PPP2R3C: variants seen among roughly 807,000 people sequenced by gnomAD.
PPP2R3C encodes the protein serine/threonine-protein phosphatase 2A regulatory subunit B'' subunit gamma.
PPP2R3C carries 47 observed loss-of-function variants against 63.7 expected under a neutral mutation model. The ratio of observed to expected loss-of-function variants is 0.74; its 90% CI spans 0.58 to 0.94. The LOEUF is 0.94. PPP2R3C is among the 40% of genes least tolerant of loss of function. The pLI, the probability that PPP2R3C is intolerant of heterozygous loss-of-function variation, is 0.00. For missense variants in PPP2R3C, 421 were observed against 518.4 expected (o/e 0.81, Z 1.82); for synonymous variants, 180 against 177.4 (o/e 1.01, Z -0.12).
intron 10 of PPP2R3C, among the ~76,000 whole-genome samples, chr14:35,092,295 C>A (rs1036067017): frequency 4.6e-5 from 7 of 152,086 alleles, no homozygotes; most frequent in Non-Finnish European, 1.0e-4. Flanking sequence ...GTCTCAAACT[C>A]CTGGGCTCAA....
chr14:35,089,820 C>G (rs1275408772), intron 11 of PPP2R3C, among the ~76,000 whole-genome samples: 1 of 147,658 alleles, frequency 6.8e-6, no homozygotes, highest in African/African-American at 2.5e-5. Flanking sequence ...CGCCCGCCAC[C>G]ACGCCCGGCT....
intron 10 of PPP2R3C, among the ~76,000 whole-genome samples, chr14:35,093,620 T>A (rs897666252): frequency 2.6e-5 from 4 of 152,176 alleles, no homozygotes; most frequent in African/African-American, 9.7e-5. Flanking sequence ...GACTATTTTT[T>A]AAGCATAACT....
At chr14:35,103,341 C>T (rs7144423) in intron 6 of PPP2R3C, among the ~76,000 whole-genome samples, 23,392 of 152,072 alleles carry the variant, frequency 0.15, 2,195 homozygotes, top group East Asian at 0.37. Context: ...CTGTATTTGC[C>T]GTTTCCTCTA....
At chr14:35,098,764 T>C (rs905538968) in intron 7 of PPP2R3C, 2 of 153,420 alleles carry the variant, frequency 1.3e-5, no homozygotes, top group Non-Finnish European at 2.9e-5. Context: ...GAACAGTTAA[T>C]AAAACAAACT....
At chr14:35,104,415 C>A (rs371669728) in intron 6 of PPP2R3C, among the ~76,000 whole-genome samples, 2 of 152,178 alleles carry the variant, frequency 1.3e-5, no homozygotes, top group African/African-American at 2.4e-5. Context: ...ATTTACATTT[C>A]TTTAACCCTT....
chr14:35,110,066 T>G (rs2046499729), intron 3 of PPP2R3C, 135 bp from the exon 4 acceptor site: 1 of 625,404 alleles, frequency 1.6e-6, no homozygotes, highest in Non-Finnish European at 2.7e-6. Flanking sequence ...CATGCCCTAT[T>G]ATCCTTTTGA....
chr14:35,118,653 C>CA (rs370403554), intron 1 of PPP2R3C, among the ~76,000 whole-genome samples: 1 of 125,840 alleles, frequency 7.9e-6, no homozygotes, highest in East Asian at 2.3e-4. Context: ...AGGTACCTTC[C>CA]TTTTTTTTTT....
At chr14:35,103,351 A>G (rs1234512220) in intron 6 of PPP2R3C, among the ~76,000 whole-genome samples, 1 of 152,164 alleles carries the variant, frequency 6.6e-6, no homozygotes, top group East Asian at 1.9e-4. Flanking sequence ...CGTTTCCTCT[A>G]TACTACATCT....
chr14:35,086,461 A>C (rs1188239255), intron 12 of PPP2R3C: 1 of 147,772 alleles, frequency 6.8e-6, no homozygotes, highest in East Asian at 2.0e-4. Flanking sequence ...GGCCTCCCAA[A>C]TTGCTGGAAT....
intron 1 of PPP2R3C, among the ~76,000 whole-genome samples, chr14:35,118,802 T>C (rs2046778514): frequency 6.6e-6 from 1 of 151,590 alleles, no homozygotes; most frequent in Non-Finnish European, 1.5e-5. Context: ...TACAGACACT[T>C]GCCACAATGC....
At chr14:35,103,199 C>G (rs968988092) in intron 6 of PPP2R3C, among the ~76,000 whole-genome samples, 1 of 152,190 alleles carries the variant, frequency 6.6e-6, no homozygotes, top group African/African-American at 2.4e-5. Context: ...CTTACTGTGG[C>G]CCAAAAGGCC....
intron 10 of PPP2R3C, among the ~76,000 whole-genome samples, chr14:35,094,703 C>T (rs963483021): frequency 5.3e-5 from 8 of 152,020 alleles, no homozygotes; most frequent in Non-Finnish European, 1.2e-4. Context: ...TGGCTCACGC[C>T]TCGTAATCCC....
intron 10 of PPP2R3C, among the ~76,000 whole-genome samples, chr14:35,094,473 CT>C (rs34162171): frequency 2.1e-4 from 30 of 145,798 alleles, no homozygotes; most frequent in Non-Finnish European, 2.4e-4. Context: ...CTGGCCTCAG[CT>C]TTTTTTTAAA....
intron 10 of PPP2R3C, among the ~76,000 whole-genome samples, chr14:35,091,932 C>A (rs543569134): frequency 6.6e-6 from 1 of 152,062 alleles, no homozygotes; most frequent in Admixed American, 6.6e-5. Flanking sequence ...GTTACCCAAG[C>A]TGGTCTCAAA....
At chr14:35,093,977 A>T (rs1295582779) in intron 10 of PPP2R3C, among the ~76,000 whole-genome samples, 2 of 152,122 alleles carry the variant, frequency 1.3e-5, no homozygotes, top group Non-Finnish European at 2.9e-5. Flanking sequence ...GCTGTTTAGA[A>T]TTTTCCTTCT....
chr14:35,089,734 C>T (rs930115023), intron 11 of PPP2R3C, among the ~76,000 whole-genome samples: 9 of 152,080 alleles, frequency 5.9e-5, no homozygotes, highest in East Asian at 1.9e-4. Flanking sequence ...GGCGCAATCT[C>T]GGCTCACTGC....
At chr14:35,117,143 T>C in intron 1 of PPP2R3C, 2 of 455,926 alleles carry the variant, frequency 4.4e-6, no homozygotes, top group South Asian at 3.1e-5. Flanking sequence ...CCTGACCTCA[T>C]GGAGTTTCAG....
At chr14:35,122,239 G>A (rs964394837), upstream of PPP2R3C, 15 of 447,724 alleles carry the variant, frequency 3.4e-5, no homozygotes, top group Non-Finnish European at 5.8e-5. Context: ...GATTTTAAAG[G>A]CCACGATAAG....
At chr14:35,096,786 C>A in intron 7 of PPP2R3C, 22 bp from the exon 8 acceptor site, 1 of 1,539,266 alleles carries the variant, frequency 6.5e-7, no homozygotes, top group Non-Finnish European at 8.7e-7. Flanking sequence ...TAAAGAAACA[C>A]AATTAATTTC....
Sources: allele counts gnomAD v4.1 joint callset (sites outside exome capture counted in the v4.1 genomes callset), GRCh38; gene constraint gnomAD v4.1.1; transcripts MANE v1.5; gene names NCBI Gene and HGNC (gene_info 2026-07-23, HGNC 2026-07-21).